VPS13B: variants seen among roughly 807,000 people sequenced by gnomAD.
VPS13B encodes intermembrane lipid transfer protein VPS13B.
A neutral mutation model predicts 426.4 loss-of-function variants in VPS13B; 285 were observed. The observed-to-expected ratio is 0.67, with a 90% CI of 0.61 to 0.74. The LOEUF is 0.74. Among genes scored for constraint, VPS13B ranks in the 30% least tolerant of loss-of-function variants. VPS13B has a pLI of 0.00. For missense variants in VPS13B, 4,537 were observed against 4,782.6 expected, an observed-to-expected ratio of 0.95 and a Z score of 1.51; for synonymous variants, 1,676 against 1,676.4, an observed-to-expected ratio of 1.00 and a Z score of 0.01.
chr8:99,421,290 C>G (rs1217259290), intron 21 of VPS13B, among the ~76,000 whole-genome samples: 3 of 152,078 alleles, frequency 2.0e-5, no homozygotes, highest in Non-Finnish European at 4.4e-5. Context: ...TTGTAGAAAA[C>G]TAAAAGTGTA....
chr8:99,377,544 A>G (rs1316831336), intron 19 of VPS13B, among the ~76,000 whole-genome samples: 1 of 152,120 alleles, frequency 6.6e-6, no homozygotes. Flanking sequence ...CTTGTTGCTG[A>G]TGCTTTCTCA....
chr8:99,603,705 C>T (rs531318821), intron 33 of VPS13B, among the ~76,000 whole-genome samples: 11 of 152,288 alleles, frequency 7.2e-5, no homozygotes, highest in South Asian at 4.1e-4. Flanking sequence ...TTAAAACTTA[C>T]GGACTCTTTA....
At chr8:99,842,584 C>T (rs890821928) in intron 54 of VPS13B, among the ~76,000 whole-genome samples, 11 of 152,068 alleles carry the variant, frequency 7.2e-5, no homozygotes, top group East Asian at 1.9e-4. Context: ...CACAGCATTC[C>T]GGCCTGGTTA....
rs201248174 is a variant in VPS13B, at chr8:99,013,743, C to T, written c.-29-17C>T. ...ACTCTACCGCCGACTTCTAACGTTT[C>T]TGTCTACTCCTTTCAGCTTCCGACT... On this transcript the variant is annotated splice_polypyrimidine_tract_variant and intron_variant, in intron 1 of 61. Coordinates refer to ENST00000357162, the MANE Select transcript of VPS13B (RefSeq NM_152564.5). 6.2e-7 allele frequency: 1 copy of T among 1,612,874 alleles called. No homozygotes were observed. The highest frequency in any genetic ancestry group is 1.7e-5 in the Admixed American group (1 of 60,012).
chr8:99,163,311 A>G (rs1811782424), intron 15 of VPS13B, among the ~76,000 whole-genome samples: 1 of 152,236 alleles, frequency 6.6e-6, no homozygotes, highest in Non-Finnish European at 1.5e-5. Flanking sequence ...CATCCCCACC[A>G]GACTCAGGAG....
intron 19 of VPS13B, among the ~76,000 whole-genome samples, chr8:99,306,883 T>C (rs1172246863): frequency 1.3e-5 from 2 of 152,150 alleles, no homozygotes; most frequent in East Asian, 3.8e-4. Flanking sequence ...ACTGACAGTT[T>C]ATTGACTTCA....
chr8:99,199,154 T>A (rs1814137033), intron 17 of VPS13B, among the ~76,000 whole-genome samples: 1 of 152,146 alleles, frequency 6.6e-6, no homozygotes, highest in Non-Finnish European at 1.5e-5. Flanking sequence ...GTTCTGATAA[T>A]GTGTGAAAGA....
intron 21 of VPS13B, among the ~76,000 whole-genome samples, chr8:99,403,521 CCTGGGTGACAGAGCAAGACT>C (rs1815158429): frequency 6.7e-6 from 1 of 149,600 alleles, no homozygotes; most frequent in Admixed American, 6.7e-5. Context: ...TGCACTCCAA[CCTGGGTGACAGAGCAAGACT>C]CTGTCTCAAA....
chr8:99,869,972 G>A (rs1438433711), intron 59 of VPS13B, among the ~76,000 whole-genome samples: 2 of 152,266 alleles, frequency 1.3e-5, no homozygotes, highest in East Asian at 1.9e-4. Flanking sequence ...GCTGGCACCA[G>A]GGAGAGCATG....
chr8:99,194,051 T>A (rs1450980111), intron 17 of VPS13B, among the ~76,000 whole-genome samples: 1 of 152,206 alleles, frequency 6.6e-6, no homozygotes, highest in Non-Finnish European at 1.5e-5. Context: ...CTTAATCACA[T>A]GAGGTCAGGC....
Position 99,641,938 on chromosome 8 carries a change from T to C in VPS13B, c.5348T>C (p.Ile1783Thr). ...AGTGTTAAAATCAGAATAGTGCAAATAGAGCAGCACAGTGGTGCCAGTCAG... is the reference window on the plus strand; with the variant it reads ...AGTGTTAAAATCAGAATAGTGCAAACAGAGCAGCACAGTGGTGCCAGTCAG... Reference protein sequence around the residue: ...SDSVKIRIVQIEQHSGASQHR... With the variant: ...SDSVKIRIVQTEQHSGASQHR... The change falls in exon 34 of 62, where the codon ATA (isoleucine) becomes ACA (threonine). Residue 1783 changes from isoleucine (I) to threonine (T), a missense_variant. Around this residue, in one of 2 missense-constraint regions of VPS13B, gnomAD observed 4,311 missense variants for 4,474.3 expected, o/e 0.96. Transcript: ENST00000357162. The C allele has an allele frequency of 1.9e-6, 3 of 1,614,076 alleles. No homozygotes were observed. The highest frequency in any genetic ancestry group is 2.5e-6 in the Non-Finnish European group (3 of 1,180,006).
At chr8:99,525,671 AAG>A (rs1238133601) in intron 30 of VPS13B, among the ~76,000 whole-genome samples, 1 of 152,216 alleles carries the variant, frequency 6.6e-6, no homozygotes, top group African/African-American at 2.4e-5. Flanking sequence ...TTACAAAAGA[AAG>A]AAAAATCCCT....
rs1816498794 is a variant in VPS13B at position 99,855,430 on chromosome 8, TG to T, written c.10867+1176del. Among the ~76,000 whole-genome samples, 5 of 152,264 alleles carry T rather than the reference TG, an allele frequency of 3.3e-5. 1 individual carries two copies. The South Asian group carries it at 1.0e-3, about 32-fold the overall frequency. ...AACCATGTGGTCTCAGGGTACGTTA[TG>T]GTAATCGGCATCACAGTGTGTGTTC... On this transcript the variant is annotated intron_variant, in intron 56 of 61. Coordinates refer to ENST00000357162, the MANE Select transcript of VPS13B (RefSeq NM_152564.5).
chr8:99,133,819 AC>A, intron 8 of VPS13B, among the ~76,000 whole-genome samples: 1 of 152,304 alleles, frequency 6.6e-6, no homozygotes, highest in Middle Eastern at 3.4e-3. Flanking sequence ...TTCCAATAGT[AC>A]TATCAAAGAT....
intron 19 of VPS13B, among the ~76,000 whole-genome samples, chr8:99,285,356 T>C (rs184294422): frequency 6.6e-6 from 1 of 152,268 alleles, no homozygotes; most frequent in Admixed American, 6.5e-5. Context: ...GTTTCCCTCA[T>C]TTATATAGCA....
At chr8:99,091,172 G>C (rs1473827904) in intron 3 of VPS13B, among the ~76,000 whole-genome samples, 1 of 152,150 alleles carries the variant, frequency 6.6e-6, no homozygotes, top group Non-Finnish European at 1.5e-5. Flanking sequence ...GATGGCTAAT[G>C]GTTGAGTCAT....
chr8:99,444,377 G>A (rs967450904), intron 23 of VPS13B, among the ~76,000 whole-genome samples: 4 of 152,294 alleles, frequency 2.6e-5, no homozygotes, highest in South Asian at 2.1e-4. Context: ...GATTACAGGC[G>A]TGAGCCACTG....
intron 59 of VPS13B, among the ~76,000 whole-genome samples, chr8:99,870,364 AG>A (rs1258408753): frequency 6.6e-6 from 1 of 152,120 alleles, no homozygotes; most frequent in African/African-American, 2.4e-5. Flanking sequence ...TTTGTTTCCC[AG>A]GCTGGTCTCT....
chr8:99,801,789 C>G (rs1416708112), intron 43 of VPS13B, among the ~76,000 whole-genome samples: 26 of 152,054 alleles, frequency 1.7e-4, no homozygotes, highest in Admixed American at 1.7e-3. Context: ...CTTTTCTGTA[C>G]CTACCATGTG....
Sources: allele counts gnomAD v4.1 joint callset (sites outside exome capture counted in the v4.1 genomes callset), GRCh38; gene constraint gnomAD v4.1.1; regional missense constraint gnomAD v4.1.1; transcripts MANE v1.5; gene names NCBI Gene and HGNC (gene_info 2026-07-23, HGNC 2026-07-21).